AGBL1: variants seen among roughly 807,000 people sequenced by gnomAD.
The protein encoded by AGBL1 is AGBL carboxypeptidase 1.
Under a neutral mutation model 118.9 loss-of-function variants are expected in AGBL1, and 130 were observed. That is an observed-to-expected ratio of 1.09 (90% CI 0.95 to 1.26). The LOEUF is 1.26. Among genes scored for constraint, AGBL1 ranks in the 50% most tolerant of loss-of-function variants. The pLI, the probability that AGBL1 is intolerant of heterozygous loss-of-function variation, is 0.00. For missense variants in AGBL1, 1,584 were observed against 1,298.1 expected, an observed-to-expected ratio of 1.22 and a Z score of -3.38; for synonymous variants, 555 against 478.9, an observed-to-expected ratio of 1.16 and a Z score of -2.08.
chr15:86,494,425 G>A (rs77172068), intron 18 of AGBL1, among the ~76,000 whole-genome samples: 3,511 of 152,128 alleles, frequency 0.023, 130 homozygotes, highest in African/African-American at 0.079. Context: ...ACATAAGAAA[G>A]TTGACTATGG....
At chr15:86,747,963 G>A (rs1000421966) in intron 22 of AGBL1, among the ~76,000 whole-genome samples, 6 of 152,148 alleles carry the variant, frequency 3.9e-5, no homozygotes, top group Admixed American at 2.6e-4. Flanking sequence ...CTTTATAGCA[G>A]CATGATTTAT....
At chr15:86,661,964 G>T (rs1315749303) in intron 21 of AGBL1, among the ~76,000 whole-genome samples, 1 of 152,124 alleles carries the variant, frequency 6.6e-6, no homozygotes, top group African/African-American at 2.4e-5. Flanking sequence ...TATGTATAAT[G>T]GGAATACTAA....
chr15:86,543,512 G>C (rs868359227), intron 19 of AGBL1, among the ~76,000 whole-genome samples: 33 of 152,186 alleles, frequency 2.2e-4, no homozygotes, highest in African/African-American at 2.9e-4. Context: ...GACTTTTTCA[G>C]ACCAAAATGA....
chr15:86,387,980 T>A (rs2081222026), intron 17 of AGBL1, among the ~76,000 whole-genome samples: 1 of 152,190 alleles, frequency 6.6e-6, no homozygotes, highest in South Asian at 2.1e-4. Flanking sequence ...TGGGGCTACT[T>A]CCTGTCACTG....
At chr15:86,620,114 C>T (rs540242003) in intron 21 of AGBL1, among the ~76,000 whole-genome samples, 2 of 152,160 alleles carry the variant, frequency 1.3e-5, no homozygotes, top group East Asian at 3.9e-4. Flanking sequence ...TGAGTTTCCC[C>T]AGGTGGAAAG....
chr15:86,348,073 T>G (rs2080566118), intron 17 of AGBL1, among the ~76,000 whole-genome samples: 2 of 152,150 alleles, frequency 1.3e-5, no homozygotes, highest in Non-Finnish European at 2.9e-5. Flanking sequence ...TCACCCCTAC[T>G]TCTCTTTCAC....
At chr15:86,175,295 C>G (rs559960936) in intron 5 of AGBL1, among the ~76,000 whole-genome samples, 1 of 152,098 alleles carries the variant, frequency 6.6e-6, no homozygotes, top group African/African-American at 2.4e-5. Flanking sequence ...TTCTGATTTG[C>G]TAGCATATAG....
chr15:86,661,533 A>T (rs990470638), intron 21 of AGBL1, among the ~76,000 whole-genome samples: 15 of 152,020 alleles, frequency 9.9e-5, no homozygotes, highest in African/African-American at 3.6e-4. Flanking sequence ...TAACATCATT[A>T]TCTGCAGCAA....
At chr15:86,628,428 T>C (rs2084919119) in intron 21 of AGBL1, among the ~76,000 whole-genome samples, 2 of 152,296 alleles carry the variant, frequency 1.3e-5, no homozygotes, top group South Asian at 2.1e-4. Context: ...ACCTAGAACA[T>C]AGCACTGATA....
intron 5 of AGBL1, among the ~76,000 whole-genome samples, chr15:86,213,916 C>T (rs1236022083): frequency 6.6e-6 from 1 of 152,072 alleles, no homozygotes; most frequent in East Asian, 1.9e-4. Context: ...CAATAACTTC[C>T]CACTCCCCTT....
chr15:86,418,136 C>T (rs373205478), intron 18 of AGBL1, among the ~76,000 whole-genome samples: 3 of 152,266 alleles, frequency 2.0e-5, no homozygotes, highest in East Asian at 3.9e-4. Flanking sequence ...TACATGGAAA[C>T]TTCAGAGCTG....
chr15:86,461,211 G>A (rs1405850855), intron 18 of AGBL1, among the ~76,000 whole-genome samples: 3 of 152,036 alleles, frequency 2.0e-5, no homozygotes, highest in Non-Finnish European at 4.4e-5. Context: ...GGTAGGGTGT[G>A]GGGGTACCAA....
At chr15:86,347,888 A>G (rs1267767760) in intron 17 of AGBL1, among the ~76,000 whole-genome samples, 1 of 152,208 alleles carries the variant, frequency 6.6e-6, no homozygotes, top group African/African-American at 2.4e-5. Context: ...ATGCTACTTA[A>G]CCTTAAAAAA....
chr15:86,470,393 T>C (rs894957934), intron 18 of AGBL1, among the ~76,000 whole-genome samples: 10 of 152,210 alleles, frequency 6.6e-5, no homozygotes, highest in African/African-American at 2.2e-4. Flanking sequence ...CATGGATTAA[T>C]TTCTAAGATC....
intron 17 of AGBL1, among the ~76,000 whole-genome samples, chr15:86,357,544 G>C (rs12148784): frequency 3.3e-5 from 5 of 151,664 alleles, no homozygotes; most frequent in Non-Finnish European, 1.5e-5. Context: ...TTCTATGTAG[G>C]GTAAAAAAGG....
intron 21 of AGBL1, among the ~76,000 whole-genome samples, chr15:86,617,760 G>GCGCGCACACACACA (rs1190179367): frequency 6.8e-6 from 1 of 146,832 alleles, no homozygotes; most frequent in African/African-American, 2.5e-5. Context: ...AACTTTATGC[G>GCGCGCACACACACA]CACACACACA....
At chr15:86,928,233 T>TC (rs1196736788) in intron 23 of AGBL1, among the ~76,000 whole-genome samples, 1 of 152,104 alleles carries the variant, frequency 6.6e-6, no homozygotes, top group Non-Finnish European at 1.5e-5. Flanking sequence ...CCTTGGGCTG[T>TC]CAGAATCTGT....
chr15:86,942,083 T>C (rs2080760003), intron 23 of AGBL1, among the ~76,000 whole-genome samples: 2 of 152,140 alleles, frequency 1.3e-5, no homozygotes, highest in South Asian at 2.1e-4. Flanking sequence ...ATCCAGAGAG[T>C]TGAGAACTAA....
chr15:86,241,516 A>AT (rs1330267673), intron 6 of AGBL1, among the ~76,000 whole-genome samples: 1 of 151,766 alleles, frequency 6.6e-6, no homozygotes, highest in Non-Finnish European at 1.5e-5. Flanking sequence ...CTGATAAAGA[A>AT]TTTTTTTTTC....
Sources: gnomAD v4.1 joint callset for allele counts (sites outside exome capture counted in the v4.1 genomes callset) on GRCh38, gnomAD v4.1.1 for gene constraint, MANE v1.5 for transcripts, NCBI Gene and HGNC (gene_info 2026-07-23, HGNC 2026-07-21) for gene names.